ATG3: variants seen among roughly 807,000 people sequenced by gnomAD.
The protein encoded by ATG3 is autophagy related 3.
A neutral mutation model predicts 50.7 loss-of-function variants in ATG3; 25 were observed. That is an observed-to-expected ratio of 0.49 (90% CI 0.36 to 0.69). The LOEUF (loss-of-function observed/expected upper bound fraction) is 0.69, where lower values mean the gene tolerates loss of function less well. Ranked by LOEUF, ATG3 falls within the 30% of genes least tolerant of loss-of-function variation. The probability of loss-of-function intolerance (pLI) is 0.00; values close to 1 mark genes in which losing one functional copy is unlikely to be tolerated. For missense variants in ATG3, 281 were observed against 376.0 expected, an observed-to-expected ratio of 0.75 and a Z score of 2.09; for synonymous variants, 119 against 125.5, an observed-to-expected ratio of 0.95 and a Z score of 0.34.
rs565218509 is a variant in ATG3, at chr3:112,534,384, C to T, written c.795-47G>A. On this transcript the variant is annotated intron_variant, in intron 10 of 11. Transcript: ENST00000283290. ...AATTGTTAATGTAGATCGATTAGAC[C>T]GAAAGAAGAAAAACATATTTTCATT... 1,831 of 1,432,168 alleles carry T rather than the reference C, an allele frequency of 1.3e-3. 34 individuals are homozygous for T. In the South Asian group the frequency reaches 0.024, roughly 18 times the overall value. The allele number at this position is 1,432,168 out of a possible 1,614,324, so 88.7% of individuals were successfully genotyped here.
In ATG3 at chr3:112,544,124, G is replaced by A; in HGVS notation, c.344-18C>T. The A allele has an allele frequency of 6.3e-7, 1 of 1,582,024 alleles. No individual in the cohort carries two copies. On this transcript the variant is annotated intron_variant, in intron 5 of 11. Coordinates refer to ENST00000283290, the MANE Select transcript of ATG3 (RefSeq NM_022488.5). ...TGTAATACCTATGTAAAATTCGGCAGAAAAGAATAACTAAAATTAAACTGT... is the reference window on the plus strand; with the variant it reads ...TGTAATACCTATGTAAAATTCGGCAAAAAAGAATAACTAAAATTAAACTGT...
At chr3:112,552,259 T>C (rs1454053536) in intron 3 of ATG3, among the ~76,000 whole-genome samples, 3 of 152,188 alleles carry the variant, frequency 2.0e-5, no homozygotes, top group East Asian at 1.9e-4. Context: ...AATATTGGGA[T>C]CATTTTTTCA....
At chr3:112,550,131 A>C in intron 4 of ATG3, 61 bp downstream of exon 4, 1 of 1,245,822 alleles carries the variant, frequency 8.0e-7, no homozygotes, top group Non-Finnish European at 1.1e-6. Context: ...AGAAAAACCG[A>C]GAGCTTCATT....
At chr3:112,557,210 C>G (rs541164999) in intron 2 of ATG3, among the ~76,000 whole-genome samples, 1 of 143,038 alleles carries the variant, frequency 7.0e-6, no homozygotes, top group Admixed American at 7.4e-5. Flanking sequence ...CACCATCACG[C>G]CCCGCTAATT....
intron 2 of ATG3, 21 bp downstream of exon 2, chr3:112,558,354 TC>T (rs754616824): frequency 6.4e-7 from 1 of 1,564,934 alleles, no homozygotes; most frequent in Non-Finnish European, 8.7e-7. Flanking sequence ...TAAAAAGACT[TC>T]AGTATATCTT....
chr3:112,547,555 C>G (rs1933402002), intron 5 of ATG3, among the ~76,000 whole-genome samples: 1 of 152,180 alleles, frequency 6.6e-6, no homozygotes, highest in East Asian at 1.9e-4. Context: ...TTAGCTTCAG[C>G]AGCATATGAT....
intron 2 of ATG3, 115 bp from the exon 3 acceptor site, chr3:112,553,444 T>C: frequency 1.3e-6 from 1 of 791,632 alleles, no homozygotes; most frequent in Non-Finnish European, 2.1e-6. Context: ...TGAAATCCAG[T>C]AAGCAATAAA....
At chr3:112,533,519 C>A (rs1005287741) in intron 11 of ATG3, 3 of 985,222 alleles carry the variant, frequency 3.0e-6, no homozygotes, top group East Asian at 1.1e-4. Context: ...ATTAGCAATG[C>A]CCCACAGTCT....
chr3:112,555,819 AT>A (rs1933655629), intron 2 of ATG3, among the ~76,000 whole-genome samples: 1 of 152,130 alleles, frequency 6.6e-6, no homozygotes, highest in Non-Finnish European at 1.5e-5. Flanking sequence ...TTGGCCTTGG[AT>A]TTTTTTAGAG....
chr3:112,533,020 A>G (rs774277685), intron 11 of ATG3: 68 of 1,139,716 alleles, frequency 6.0e-5, no homozygotes, highest in Non-Finnish European at 7.1e-5. Flanking sequence ...GTAGGTGTTC[A>G]TATAAGCACA....
chr3:112,547,883 CAT>C (rs1382965669), intron 5 of ATG3, among the ~76,000 whole-genome samples: 1 of 152,140 alleles, frequency 6.6e-6, no homozygotes, highest in African/African-American at 2.4e-5. Context: ...TAGTTCCTGT[CAT>C]AGAGGAGCAC....
At chr3:112,547,783 A>G (rs1478381030) in intron 5 of ATG3, among the ~76,000 whole-genome samples, 2 of 152,226 alleles carry the variant, frequency 1.3e-5, no homozygotes, top group African/African-American at 4.8e-5. Flanking sequence ...TGGAGCTTAC[A>G]GTACTGAAAA....
intron 6 of ATG3, 72 bp downstream of exon 6, chr3:112,543,983 ATG>A (rs781360143): frequency 2.8e-6 from 3 of 1,061,002 alleles, no homozygotes; most frequent in African/African-American, 1.7e-5. Flanking sequence ...GTGATTATAT[ATG>A]TGTGTGTATA....
rs762235984 is a variant in ATG3, at chr3:112,534,184, G to A, written c.863+85C>T. On this transcript the variant is annotated intron_variant, in intron 11 of 11. Coordinates refer to ENST00000283290, the MANE Select transcript of ATG3 (RefSeq NM_022488.5). ...GAAGTTAAAACAAGTTATAGCTACT[G>A]TATCATTAAGGTTACACTAAATTTC... The A allele has an allele frequency of 4.0e-5, 62 of 1,544,742 alleles. No individual in the cohort carries two copies. The African/African-American group carries it at 7.3e-4, about 18-fold the overall frequency.
Position 112,534,279 on chromosome 3 carries a change from C to T in ATG3, c.853G>A (p.Gly285Arg). ...ETVAEGGGEL[G>R]VHMYLLIFLK... ...TACAGGGAAGGATACATATGAACTC[C>T]AAGTTCTCCCCCTCCTTCTGCAACA... The change falls in exon 11 of 12, where the codon GGA (glycine) becomes AGA (arginine). Residue 285 changes from glycine to arginine, a missense_variant. By Grantham distance (125) the Gly-to-Arg change is moderately radical. Around this residue, in one of 3 missense-constraint regions of ATG3, gnomAD observed 242 missense variants for 305.0 expected, o/e 0.79. Transcript: ENST00000283290. 6.3e-7 allele frequency: 1 copy of T among 1,599,054 alleles called. No individual in the cohort carries two copies. The highest frequency in any genetic ancestry group is 8.5e-7 in the Non-Finnish European group (1 of 1,173,370).
chr3:112,540,209 A>G (rs1933188147), intron 7 of ATG3, among the ~76,000 whole-genome samples: 1 of 152,252 alleles, frequency 6.6e-6, no homozygotes. Context: ...GAATCTCACT[A>G]AAATTTAGGA....
chr3:112,558,482 G>A, intron 1 of ATG3, 65 bp from the exon 2 acceptor site: 1 of 1,343,688 alleles, frequency 7.4e-7, no homozygotes, highest in Non-Finnish European at 1.1e-6. Context: ...TATATTTTGG[G>A]GGCAATTATT....
Position 112,546,255 on chromosome 3 carries a change from C to A in ATG3, c.344-2149G>T, listed in dbSNP as rs553125364. ...TATCTGTGGGGAATACATTCCAAGA[C>A]CCCCAGAGGGTGTCTGAAAGCACAG... is the stretch of plus-strand genomic sequence containing the variant. On this transcript the variant is annotated intron_variant, in intron 5 of 11. Coordinates refer to ENST00000283290, the MANE Select transcript of ATG3 (RefSeq NM_022488.5). 2.1e-3 allele frequency among the ~76,000 whole-genome samples: 319 copies of A among 152,278 alleles called. 1 individual carries two copies. Among genetic ancestry groups the A allele is most frequent in the African/African-American group, 7.2e-3 (300 of 41,538 alleles).
chr3:112,551,342 A>C (rs976298353), intron 3 of ATG3, among the ~76,000 whole-genome samples: 3 of 152,214 alleles, frequency 2.0e-5, no homozygotes, highest in African/African-American at 4.8e-5. Flanking sequence ...AGTTCTGAGG[A>C]AAGAGTTAAA....
Sources: allele counts gnomAD v4.1 joint callset (sites outside exome capture counted in the v4.1 genomes callset), GRCh38; gene constraint gnomAD v4.1.1; regional missense constraint gnomAD v4.1.1; transcripts MANE v1.5; gene names NCBI Gene and HGNC (gene_info 2026-07-23, HGNC 2026-07-21).